Variants in EPHA6 observed in about 807,000 individuals in gnomAD.
EPHA6 encodes the protein ephrin type-A receptor 6.
In EPHA6, 50 loss-of-function variants were observed where a neutral mutation model predicts 112.0. That is an observed-to-expected ratio of 0.45 (90% CI 0.36 to 0.56). The LOEUF (loss-of-function observed/expected upper bound fraction) is 0.56, where lower values mean the gene tolerates loss of function less well. EPHA6 is among the 20% of genes least tolerant of loss of function. The pLI, the probability that EPHA6 is intolerant of heterozygous loss-of-function variation, is 0.00. For synonymous variants in EPHA6, 529 were observed against 490.7 expected (o/e 1.08, Z -1.03); for missense variants, 1,280 against 1,417.4 (o/e 0.90, Z 1.56).
chr3:97,758,683 C>T lies in EPHA6; in HGVS notation c.*9982C>T, dbSNP rs139781664. 8.6e-4 allele frequency among the ~76,000 whole-genome samples: 130 copies of T among 151,858 alleles called. 4 individuals are homozygous for T. The East Asian group carries it at 0.021, about 24-fold the overall frequency. ...ATAGCATGACTGTGGCTCCTTTAAG[C>T]GGTAGAGGAAATCTTCCCCCAAGGA... On this transcript the variant is annotated 3_prime_UTR_variant, in exon 18 of 18. Coordinates refer to ENST00000389672, the MANE Select transcript of EPHA6 (RefSeq NM_001080448.3).
intron 5 of EPHA6, among the ~76,000 whole-genome samples, chr3:97,383,047 T>C (rs2085844849): frequency 6.6e-6 from 1 of 152,010 alleles, no homozygotes; most frequent in South Asian, 2.1e-4. Context: ...ATTTTTGAAG[T>C]CATAGGATAC....
At chr3:97,031,057 G>T (rs2044815803) in intron 3 of EPHA6, among the ~76,000 whole-genome samples, 4 of 151,762 alleles carry the variant, frequency 2.6e-5, no homozygotes, top group Admixed American at 2.6e-4. Flanking sequence ...GAAAAGTTAA[G>T]AATTTTTTAG....
At position 97,479,377 on chromosome 3, in the gene EPHA6, G is replaced by A; in HGVS notation, c.2074+13G>A. ...CAGAATGGGCATTGTAAGTAGCGCA[G>A]GGACTTTCTTTCATTATTTTGTACT... On this transcript the variant is annotated intron_variant, in intron 9 of 17. Coordinates refer to ENST00000389672, the MANE Select transcript of EPHA6 (RefSeq NM_001080448.3). 1 of 1,578,960 alleles carries A rather than the reference G, an allele frequency of 6.3e-7. No individual in the cohort carries two copies. The highest frequency in any genetic ancestry group is 1.8e-5 in the Admixed American group (1 of 54,456).
At chr3:96,956,817 G>A (rs1158915490) in intron 2 of EPHA6, among the ~76,000 whole-genome samples, 2 of 152,000 alleles carry the variant, frequency 1.3e-5, no homozygotes, top group East Asian at 3.9e-4. Flanking sequence ...GGTGGATCAC[G>A]AGGTCCGGAG....
intron 7 of EPHA6, chr3:97,466,319 C>T: frequency 6.5e-7 from 1 of 1,537,186 alleles, no homozygotes; most frequent in South Asian, 1.1e-5. Context: ...TGAGAAGTAA[C>T]TATACCTAGT....
chr3:96,983,331 T>C (rs960376137), intron 2 of EPHA6, among the ~76,000 whole-genome samples: 18 of 152,198 alleles, frequency 1.2e-4, no homozygotes, highest in East Asian at 1.9e-4. Context: ...TGGCTGGATA[T>C]GAAATTCTGG....
At chr3:97,664,055 T>C (rs2107640796) in intron 14 of EPHA6, among the ~76,000 whole-genome samples, 1 of 152,324 alleles carries the variant, frequency 6.6e-6, no homozygotes, top group African/African-American at 2.4e-5. Flanking sequence ...TGTCTCATTG[T>C]GGTTTTGATT....
intron 11 of EPHA6, among the ~76,000 whole-genome samples, chr3:97,560,975 A>G (rs2093181334): frequency 6.6e-6 from 1 of 151,912 alleles, no homozygotes; most frequent in South Asian, 2.1e-4. Context: ...GTGATTGATG[A>G]TCTCTGATGT....
intron 5 of EPHA6, among the ~76,000 whole-genome samples, chr3:97,332,618 A>T (rs921081838): frequency 1.3e-5 from 2 of 152,154 alleles, no homozygotes; most frequent in African/African-American, 2.4e-5. Context: ...CATGTATGTC[A>T]GTCTGTAATT....
chr3:97,748,191 A>G (rs1186547818), intron 17 of EPHA6, among the ~76,000 whole-genome samples: 1 of 152,112 alleles, frequency 6.6e-6, no homozygotes, highest in Admixed American at 6.6e-5. Flanking sequence ...CTTCCATCCT[A>G]CATAATCACC....
intron 3 of EPHA6, among the ~76,000 whole-genome samples, chr3:97,150,041 A>T (rs1180499412): frequency 6.6e-6 from 1 of 152,050 alleles, no homozygotes; most frequent in Non-Finnish European, 1.5e-5. Flanking sequence ...TCTTGTAGGA[A>T]GTCAACATTT....
intron 5 of EPHA6, among the ~76,000 whole-genome samples, chr3:97,275,793 AGGAG>A (rs200626390): frequency 0.051 from 7,708 of 151,920 alleles, 663 homozygotes; most frequent in African/African-American, 0.17. Flanking sequence ...TCGGTCGCCA[AGGAG>A]GGAGTAGAGG....
chr3:97,003,851 A>G (rs562404315), intron 3 of EPHA6, among the ~76,000 whole-genome samples: 49 of 129,112 alleles, frequency 3.8e-4, no homozygotes, highest in African/African-American at 1.4e-3. Context: ...ACGTGTTCTT[A>G]ATGGATGTTC....
At chr3:97,464,195 A>G (rs114123267) in intron 7 of EPHA6, among the ~76,000 whole-genome samples, 1,685 of 152,200 alleles carry the variant, frequency 0.011, 33 homozygotes, top group African/African-American at 0.039. Context: ...GCAAGAGGGA[A>G]TGTGGTTGGT....
At chr3:97,079,148 C>A (rs1019841319) in intron 3 of EPHA6, among the ~76,000 whole-genome samples, 4 of 151,968 alleles carry the variant, frequency 2.6e-5, no homozygotes, top group Admixed American at 2.6e-4. Context: ...AGCATACATG[C>A]ATGCATATGT....
intron 7 of EPHA6, among the ~76,000 whole-genome samples, chr3:97,471,602 A>G (rs770212144): frequency 3.5e-4 from 53 of 151,688 alleles, no homozygotes; most frequent in Non-Finnish European, 6.8e-4. Context: ...ATTGTCTCCA[A>G]GCACACAGAG....
intron 5 of EPHA6, among the ~76,000 whole-genome samples, chr3:97,366,342 T>A (rs2084727742): frequency 6.6e-6 from 1 of 151,688 alleles, no homozygotes; most frequent in South Asian, 2.1e-4. Context: ...ATCTACTGTA[T>A]ATCAGGCAGC....
intron 7 of EPHA6, among the ~76,000 whole-genome samples, chr3:97,466,076 T>G (rs1361234752): frequency 6.6e-6 from 1 of 151,838 alleles, no homozygotes; most frequent in Admixed American, 6.6e-5. Flanking sequence ...AAACTATCCA[T>G]CTATTAAAGA....
intron 5 of EPHA6, among the ~76,000 whole-genome samples, chr3:97,262,775 T>C (rs567994623): frequency 6.6e-6 from 1 of 152,320 alleles, no homozygotes; most frequent in South Asian, 2.1e-4. Flanking sequence ...ATTTTCTGTC[T>C]CCCATCAACT....
Sources: gnomAD v4.1 joint callset for allele counts (sites outside exome capture counted in the v4.1 genomes callset) on GRCh38, gnomAD v4.1.1 for gene constraint, MANE v1.5 for transcripts, NCBI Gene and HGNC (gene_info 2026-07-23, HGNC 2026-07-21) for gene names.